PLCB1: variants seen among roughly 807,000 people sequenced by gnomAD.
The protein encoded by PLCB1 is 1-phosphatidylinositol 4,5-bisphosphate phosphodiesterase beta-1.
A neutral mutation model predicts 161.8 loss-of-function variants in PLCB1; 46 were observed. The ratio of observed to expected loss-of-function variants is 0.28; its 90% CI spans 0.22 to 0.36. PLCB1 has a LOEUF of 0.36. PLCB1 is among the 10% of genes least tolerant of loss of function. PLCB1 has a pLI of 1.00. For synonymous variants in PLCB1, 517 were observed against 503.7 expected (o/e 1.03, Z -0.35); for missense variants, 1,016 against 1,472.5 (o/e 0.69, Z 5.07).
chr20:8,296,972 C>A (rs73895759), intron 2 of PLCB1, among the ~76,000 whole-genome samples: 1,677 of 152,138 alleles, frequency 0.011, 23 homozygotes, highest in South Asian at 0.045. Flanking sequence ...CCTTTTCTAT[C>A]TCAGTATATC....
At chr20:8,518,239 C>T (rs914526377) in intron 3 of PLCB1, among the ~76,000 whole-genome samples, 1 of 151,962 alleles carries the variant, frequency 6.6e-6, no homozygotes, top group Non-Finnish European at 1.5e-5. Flanking sequence ...GCTCTGTCAC[C>T]CAGGCTGGAG....
chr20:8,332,028 T>C (rs1358047306), intron 2 of PLCB1, among the ~76,000 whole-genome samples: 1 of 152,220 alleles, frequency 6.6e-6, no homozygotes, highest in East Asian at 1.9e-4. Context: ...GACCGTGAAC[T>C]GGAAGATGTG....
intron 2 of PLCB1, among the ~76,000 whole-genome samples, chr20:8,251,424 T>C (rs576393804): frequency 6.6e-6 from 1 of 150,902 alleles, no homozygotes; most frequent in African/African-American, 2.4e-5. Context: ...CAGAGAGGAG[T>C]TTGCCAGGCG....
intron 2 of PLCB1, among the ~76,000 whole-genome samples, chr20:8,199,013 C>T (rs191799466): frequency 9.5e-4 from 143 of 150,940 alleles, no homozygotes; most frequent in Non-Finnish European, 1.6e-3. Context: ...TCTTAATTTG[C>T]GGGAACATTA....
Position 8,727,376 on chromosome 20 carries a change from T to G in PLCB1, c.1746T>G (p.Ser582=). The G allele has an allele frequency of 6.3e-7, 1 of 1,580,434 alleles. No individual in the cohort carries two copies. The highest frequency in any genetic ancestry group is 8.7e-7 in the Non-Finnish European group (1 of 1,150,406). The change falls in exon 17 of 32, where the codon TCT becomes TCG. Residue 582 remains serine (S), a synonymous_variant. Transcript: ENST00000338037. The part of the protein sequence containing the change: ...ETKGLEQLTK[S]PVEFVEYNKM... ...AAGGACTTGAACAACTCACCAAGTC[T>G]CCAGTGGAATTTGTAGAGTATCCTT...
At chr20:8,267,525 G>C (rs1982032300) in intron 2 of PLCB1, among the ~76,000 whole-genome samples, 2 of 152,052 alleles carry the variant, frequency 1.3e-5, no homozygotes, top group South Asian at 4.2e-4. Context: ...TCCTTCTCCT[G>C]TTCCTGAGAG....
chr20:8,781,462 A>G (rs1983233574), intron 27 of PLCB1, among the ~76,000 whole-genome samples: 2 of 151,820 alleles, frequency 1.3e-5, no homozygotes, highest in Non-Finnish European at 2.9e-5. Flanking sequence ...ATCCAAATCC[A>G]TATAGTTTTC....
chr20:8,822,661 G>A (rs112978818), intron 31 of PLCB1, among the ~76,000 whole-genome samples: 1 of 152,146 alleles, frequency 6.6e-6, no homozygotes. Context: ...CAAAACACAA[G>A]TCCCTGGATT....
intron 3 of PLCB1, among the ~76,000 whole-genome samples, chr20:8,430,786 A>G (rs1355593862): frequency 2.0e-5 from 3 of 152,108 alleles, no homozygotes; most frequent in Non-Finnish European, 4.4e-5. Context: ...ACAAGACCCC[A>G]TCTCTACTAA....
chr20:8,320,379 A>C (rs1984856773), intron 2 of PLCB1, among the ~76,000 whole-genome samples: 1 of 152,184 alleles, frequency 6.6e-6, no homozygotes, highest in African/African-American at 2.4e-5. Context: ...TTAGGAGGTA[A>C]GTATTAGGTA....
At chr20:8,447,180 T>A (rs932176359) in intron 3 of PLCB1, among the ~76,000 whole-genome samples, 1 of 152,188 alleles carries the variant, frequency 6.6e-6, no homozygotes, top group Non-Finnish European at 1.5e-5. Context: ...TATGGTGACA[T>A]GCTGCCACTT....
At position 8,505,387 on chromosome 20, in the gene PLCB1, G is replaced by A. The variant is rs117319740; in HGVS notation, c.247-122907G>A. Among the ~76,000 whole-genome samples, 1,088 of 152,284 alleles carry A rather than the reference G, an allele frequency of 7.1e-3. 12 individuals are homozygous for A. The highest frequency in any genetic ancestry group is 0.015 in the Admixed American group (222 of 15,294). On this transcript the variant is annotated intron_variant, in intron 3 of 31. Transcript: ENST00000338037. ...TAGGTAAACATAGGCTGGGATGTAAGGAATGGATAATGGATACTGGTTTTA... is the reference window on the plus strand; with the variant it reads ...TAGGTAAACATAGGCTGGGATGTAAAGAATGGATAATGGATACTGGTTTTA...
chr20:8,331,514 T>C (rs1985363537), intron 2 of PLCB1, among the ~76,000 whole-genome samples: 1 of 152,348 alleles, frequency 6.6e-6, no homozygotes, highest in East Asian at 1.9e-4. Context: ...GGCATGCCTG[T>C]GCTGCAGTGA....
At chr20:8,537,537 C>T (rs1015105638) in intron 3 of PLCB1, among the ~76,000 whole-genome samples, 2 of 152,064 alleles carry the variant, frequency 1.3e-5, no homozygotes, top group Non-Finnish European at 2.9e-5. Context: ...GCCACCTGCC[C>T]AGGGTCACCT....
intron 3 of PLCB1, among the ~76,000 whole-genome samples, chr20:8,488,675 C>G (rs3891301): frequency 0.51 from 78,200 of 151,886 alleles, 21,476 homozygotes; most frequent in East Asian, 0.65. Flanking sequence ...TAGACTCATT[C>G]GAATCATTTA....
intron 25 of PLCB1, among the ~76,000 whole-genome samples, chr20:8,761,975 A>AAGGG (rs1568588941): frequency 2.7e-5 from 3 of 109,522 alleles, no homozygotes; most frequent in Non-Finnish European, 6.0e-5. Context: ...TGGGGAGGCC[A>AAGGG]AGGGGGGGGC....
intron 9 of PLCB1, among the ~76,000 whole-genome samples, chr20:8,677,478 T>C (rs1481207170): frequency 1.3e-5 from 2 of 152,178 alleles, no homozygotes; most frequent in Non-Finnish European, 2.9e-5. Flanking sequence ...TAATAATTCA[T>C]GTTTTTTTCC....
chr20:8,437,707 A>G (rs1414392546), intron 3 of PLCB1, among the ~76,000 whole-genome samples: 2 of 152,180 alleles, frequency 1.3e-5, no homozygotes, highest in African/African-American at 4.8e-5. Context: ...TGTGCACCAG[A>G]GTGGCAAAGA....
chr20:8,212,711 A>C (rs1978893914), intron 2 of PLCB1, among the ~76,000 whole-genome samples: 1 of 152,100 alleles, frequency 6.6e-6, no homozygotes, highest in Non-Finnish European at 1.5e-5. Flanking sequence ...TGAATGATAT[A>C]CCCTTGCATG....
Sources: gnomAD v4.1 joint callset for allele counts (sites outside exome capture counted in the v4.1 genomes callset) on GRCh38, gnomAD v4.1.1 for gene constraint, MANE v1.5 for transcripts, NCBI Gene and HGNC (gene_info 2026-07-23, HGNC 2026-07-21) for gene names.